DEPTOR: variants seen among roughly 807,000 people sequenced by gnomAD.
The protein encoded by DEPTOR is DEP domain containing MTOR interacting protein, also known as DEP domain-containing mTOR-interacting protein.
Under a neutral mutation model 41.6 loss-of-function variants are expected in DEPTOR, and 41 were observed. The ratio of observed to expected loss-of-function variants is 0.98; its 90% CI spans 0.77 to 1.28. DEPTOR has a LOEUF of 1.28. Ranked by LOEUF, DEPTOR falls within the 50% of genes most tolerant of loss-of-function variation. The probability of loss-of-function intolerance (pLI) is 0.00; values close to 1 mark genes in which losing one functional copy is unlikely to be tolerated. For missense variants in DEPTOR, 514 were observed against 527.9 expected (o/e 0.97, Z 0.26); for synonymous variants, 195 against 192.3 (o/e 1.01, Z -0.12).
chr8:119,884,351 C>A (rs995451661), intron 1 of DEPTOR, among the ~76,000 whole-genome samples: 4 of 152,314 alleles, frequency 2.6e-5, no homozygotes, highest in African/African-American at 9.6e-5. Context: ...AGCCACTGCA[C>A]CTGGCCGGTT....
intron 1 of DEPTOR, among the ~76,000 whole-genome samples, chr8:119,892,992 A>G (rs1406201163): frequency 6.6e-6 from 1 of 152,158 alleles, no homozygotes; most frequent in Non-Finnish European, 1.5e-5. Context: ...CATGTTGGCC[A>G]GGCTGGTCTC....
At chr8:119,884,027 C>A (rs577517076) in intron 1 of DEPTOR, among the ~76,000 whole-genome samples, 1 of 152,310 alleles carries the variant, frequency 6.6e-6, no homozygotes, top group East Asian at 1.9e-4. Context: ...CATAGCCATT[C>A]TCTCATTGCA....
chr8:120,049,948 C>A lies in DEPTOR; in HGVS notation c.*244C>A. 3.0e-6 allele frequency: 1 copy of A among 329,090 alleles called. No homozygotes were observed. 20.4% of individuals were successfully genotyped at this position (329,090 alleles called of 1,614,324 possible). A position where few individuals can be genotyped will look rare whatever the true frequency, so the allele number is the denominator to read the frequency against. ...CCATTTTCCTACATGATAGAACTGCCTTACTAGATTTCTATTTGTAGCTCT... is the reference window on the plus strand; with the variant it reads ...CCATTTTCCTACATGATAGAACTGCATTACTAGATTTCTATTTGTAGCTCT... On this transcript the variant is annotated 3_prime_UTR_variant, in exon 9 of 9. Coordinates refer to ENST00000286234, the MANE Select transcript of DEPTOR (RefSeq NM_022783.4).
intron 3 of DEPTOR, among the ~76,000 whole-genome samples, chr8:119,948,363 G>A (rs1214873076): frequency 6.6e-6 from 1 of 152,128 alleles, no homozygotes; most frequent in Non-Finnish European, 1.5e-5. Flanking sequence ...AGTGAGCCAA[G>A]ATCGTGCCAC....
intron 4 of DEPTOR, among the ~76,000 whole-genome samples, chr8:120,000,246 C>T (rs1010496078): frequency 4.6e-5 from 7 of 152,032 alleles, no homozygotes; most frequent in African/African-American, 1.7e-4. Flanking sequence ...AATTTTAGAA[C>T]ATTTTCATCA....
chr8:120,042,821 T>C, intron 8 of DEPTOR, among the ~76,000 whole-genome samples: 1 of 151,662 alleles, frequency 6.6e-6, no homozygotes, highest in East Asian at 2.1e-4. Context: ...GCCCAGCGTA[T>C]TTTTTTATTT....
At chr8:119,945,968 T>A (rs972312081) in intron 3 of DEPTOR, among the ~76,000 whole-genome samples, 2 of 152,158 alleles carry the variant, frequency 1.3e-5, no homozygotes, top group African/African-American at 4.8e-5. Context: ...GAGGAGGATA[T>A]TCTTCCATGA....
intron 8 of DEPTOR, among the ~76,000 whole-genome samples, chr8:120,033,034 G>T (rs568261459): frequency 1.3e-5 from 2 of 151,396 alleles, no homozygotes; most frequent in African/African-American, 4.8e-5. Flanking sequence ...GGGCTAGAGA[G>T]CTTTTGGTGA....
intron 3 of DEPTOR, among the ~76,000 whole-genome samples, chr8:119,938,944 GCT>G (rs139892847): frequency 0.067 from 8,404 of 125,522 alleles, 241 homozygotes; most frequent in South Asian, 0.18. Context: ...GTTCCTTCTT[GCT>G]CTCTCTCTCT....
intron 3 of DEPTOR, among the ~76,000 whole-genome samples, chr8:119,959,250 C>T (rs1187246685): frequency 6.6e-6 from 1 of 150,396 alleles, no homozygotes; most frequent in Non-Finnish European, 1.5e-5. Context: ...GCAAGCTCCG[C>T]CTCCCGGGCT....
At chr8:119,942,650 T>C (rs1317966554) in intron 3 of DEPTOR, among the ~76,000 whole-genome samples, 1 of 152,246 alleles carries the variant, frequency 6.6e-6, no homozygotes, top group Admixed American at 6.5e-5. Context: ...TCTGTAACAC[T>C]GATTTTGCTA....
At chr8:119,949,869 A>C (rs1828330688) in intron 3 of DEPTOR, among the ~76,000 whole-genome samples, 1 of 151,958 alleles carries the variant, frequency 6.6e-6, no homozygotes, top group African/African-American at 2.4e-5. Flanking sequence ...TAGTAGAGAC[A>C]GGGTTTCACT....
chr8:119,883,473 TA>T (rs386413817), intron 1 of DEPTOR, among the ~76,000 whole-genome samples: 2,148 of 112,062 alleles, frequency 0.019, 44 homozygotes, highest in African/African-American at 0.054. Flanking sequence ...AGACTCGTCT[TA>T]AAAAAAAAAA....
At position 120,002,776 on chromosome 8, in the gene DEPTOR, CAAAAA is replaced by C. The variant is rs1173820465; in HGVS notation, c.791-189_791-185del. 2.8e-3 allele frequency among the ~76,000 whole-genome samples: 155 copies of C among 54,442 alleles called. 5 individuals are homozygous for C. The highest frequency in any genetic ancestry group is 0.011 in the African/African-American group (151 of 13,538). 35.7% of individuals were successfully genotyped at this position (54,442 alleles called of 152,430 possible). A position where few individuals can be genotyped will look rare whatever the true frequency, so the allele number is the denominator to read the frequency against. The stretch of plus-strand genomic sequence containing the variant: ...TGTGCAACAGGGCAAGACTCCATCT[CAAAAA>C]AAAAAAAAAAATATATATATATATA... On this transcript the variant is annotated intron_variant, in intron 5 of 8. Coordinates refer to ENST00000286234, the MANE Select transcript of DEPTOR (RefSeq NM_022783.4).
At chr8:119,935,729 AAAAAG>A (rs1011489357) in intron 3 of DEPTOR, among the ~76,000 whole-genome samples, 185 of 152,046 alleles carry the variant, frequency 1.2e-3, no homozygotes, top group African/African-American at 3.9e-3. Context: ...TCAAAAAAAA[AAAAAG>A]AAAAGAAAAG....
intron 4 of DEPTOR, among the ~76,000 whole-genome samples, chr8:119,984,576 T>A (rs1390101732): frequency 6.6e-6 from 1 of 152,212 alleles, no homozygotes; most frequent in Non-Finnish European, 1.5e-5. Flanking sequence ...GCTTCATCCA[T>A]GTCCCTGCAA....
At chr8:119,947,805 T>C (rs1210348010) in intron 3 of DEPTOR, among the ~76,000 whole-genome samples, 1 of 152,170 alleles carries the variant, frequency 6.6e-6, no homozygotes, top group Non-Finnish European at 1.5e-5. Flanking sequence ...ATTGACACTC[T>C]TGAGCTCAGA....
At chr8:119,895,531 G>A (rs4871011) in intron 1 of DEPTOR, among the ~76,000 whole-genome samples, 124,664 of 152,220 alleles carry the variant, frequency 0.82, 51,406 homozygotes, top group East Asian at 0.95. Context: ...TCCCTCTGCT[G>A]TAGTATAAGC....
intron 1 of DEPTOR, among the ~76,000 whole-genome samples, chr8:119,917,368 G>A (rs1425313384): frequency 6.6e-6 from 1 of 152,184 alleles, no homozygotes; most frequent in Non-Finnish European, 1.5e-5. Context: ...TACTGTGTCT[G>A]TGTAGAAAGA....
Sources: allele counts gnomAD v4.1 joint callset (sites outside exome capture counted in the v4.1 genomes callset), GRCh38; gene constraint gnomAD v4.1.1; transcripts MANE v1.5; gene names NCBI Gene and HGNC (gene_info 2026-07-23, HGNC 2026-07-21).